SYCE1L: variants seen among roughly 807,000 people sequenced by gnomAD.
SYCE1L encodes synaptonemal complex central element protein 1-like.
A neutral mutation model predicts 39.6 loss-of-function variants in SYCE1L; 51 were observed. The observed-to-expected ratio is 1.29, with a 90% CI of 1.03 to 1.63. The LOEUF (loss-of-function observed/expected upper bound fraction) is 1.63, where lower values mean the gene tolerates loss of function less well. Among genes scored for constraint, SYCE1L ranks in the 40% most tolerant of loss-of-function variants. The pLI is 0.00. For missense variants in SYCE1L, 426 were observed against 304.9 expected (o/e 1.40, Z -2.96); for synonymous variants, 147 against 122.4 (o/e 1.20, Z -1.33).
intron 1 of SYCE1L, among the ~76,000 whole-genome samples, chr16:77,204,901 C>G (rs1300726421): frequency 6.6e-6 from 1 of 151,806 alleles, no homozygotes; most frequent in Admixed American, 6.6e-5. Context: ...AAAAATTAAC[C>G]AGGTGAGGCG....
rs199801406 is a variant in SYCE1L, at chr16:77,209,078, G to T, written c.257-19G>T. On this transcript the variant is annotated intron_variant, in intron 4 of 10. Coordinates refer to ENST00000378644, the MANE Select transcript of SYCE1L (RefSeq NM_001129979.3). ...GCAATGGGGTGCCTGGAGGCAGAAA[G>T]TGTCATTGTGTTTTCCAGTGAATGG... 1.9e-4 allele frequency: 293 copies of T among 1,551,710 alleles called. 1 individual carries two copies. Among genetic ancestry groups the T allele is most frequent in the South Asian group, 9.9e-4 (83 of 84,070 alleles).
Position 77,199,444 on chromosome 16 carries a change from G to C in SYCE1L, c.-8G>C. The C allele has an allele frequency of 6.4e-7, 1 of 1,551,510 alleles. No individual in the cohort carries two copies. Among genetic ancestry groups the C allele is most frequent in the Non-Finnish European group, 8.7e-7 (1 of 1,146,966 alleles). On this transcript the variant is annotated 5_prime_UTR_variant, in exon 1 of 11. Transcript: ENST00000378644. ...AGCGAGGCTCGCGCGCAGGCCCCGC[G>C]TTGGAAAATGGCGGGGAAGCTGAAA... is the stretch of plus-strand genomic sequence containing the variant.
At chr16:77,201,950 A>G (rs1286762415) in intron 1 of SYCE1L, 7 of 152,230 alleles carry the variant, frequency 4.6e-5, no homozygotes, top group Admixed American at 3.3e-4. Context: ...TATGTTGCAC[A>G]GAAAAAGTAT....
Position 77,199,429 on chromosome 16 carries a change from G to A in SYCE1L, c.-23G>A, listed in dbSNP as rs533039786. On this transcript the variant is annotated 5_prime_UTR_variant, in exon 1 of 11. Transcript: ENST00000378644. Reference sequence around the variant, plus strand: ...TTTAACCAGTCATCAAGCGAGGCTCGCGCGCAGGCCCCGCGTTGGAAAATG... The same window carrying A: ...TTTAACCAGTCATCAAGCGAGGCTCACGCGCAGGCCCCGCGTTGGAAAATG... 4.3e-5 allele frequency: 66 copies of A among 1,551,120 alleles called. 2 individuals are homozygous for A. In the South Asian group the frequency reaches 6.5e-4, roughly 15 times the overall value.
chr16:77,205,327 T>C (rs1418252883), intron 1 of SYCE1L, among the ~76,000 whole-genome samples: 1 of 151,642 alleles, frequency 6.6e-6, no homozygotes, highest in African/African-American at 2.4e-5. Flanking sequence ...CTTTTACCAC[T>C]GATTTCAAGA....
intron 1 of SYCE1L, 95 bp from the exon 2 acceptor site, chr16:77,206,346 C>A (rs879177500): frequency 1.9e-6 from 2 of 1,076,856 alleles, no homozygotes; most frequent in Non-Finnish European, 2.7e-6. Flanking sequence ...CCCCAGCCCA[C>A]GGGTGTCTGC....
At chr16:77,202,535 A>C (rs1428202413) in intron 1 of SYCE1L, 1 of 152,198 alleles carries the variant, frequency 6.6e-6, no homozygotes, top group Non-Finnish European at 1.5e-5. Flanking sequence ...AAGCAGAGAG[A>C]GGAAAAACAC....
chr16:77,199,411 A>G lies in SYCE1L; in HGVS notation c.-41A>G, dbSNP rs2054704082. On this transcript the variant is annotated 5_prime_UTR_variant, in exon 1 of 11. Transcript: ENST00000378644. Reference sequence around the variant, plus strand: ...CCCTCACGTGGTTTCTTTTTTAACCAGTCATCAAGCGAGGCTCGCGCGCAG... The same window carrying G: ...CCCTCACGTGGTTTCTTTTTTAACCGGTCATCAAGCGAGGCTCGCGCGCAG... 4.5e-6 allele frequency: 7 copies of G among 1,545,906 alleles called. No homozygotes were observed. The highest frequency in any genetic ancestry group is 1.4e-5 in the African/African-American group (1 of 72,682).
intron 1 of SYCE1L, 62 bp from the exon 2 acceptor site, chr16:77,206,379 C>G: frequency 6.8e-7 from 1 of 1,468,210 alleles, no homozygotes; most frequent in Non-Finnish European, 9.3e-7. Flanking sequence ...GACTTCCTGC[C>G]TCCCTTCTCT....
Position 77,212,787 on chromosome 16 carries a change from C to T in SYCE1L, c.655-70C>T, listed in dbSNP as rs979529833. 2.8e-6 allele frequency: 4 copies of T among 1,429,710 alleles called. No individual in the cohort carries two copies. The African/African-American group carries it at 4.4e-5, about 16-fold the overall frequency. The allele number at this position is 1,429,710 out of a possible 1,614,324, so 88.6% of individuals were successfully genotyped here. On this transcript the variant is annotated intron_variant, in intron 10 of 10. Coordinates refer to ENST00000378644, the MANE Select transcript of SYCE1L (RefSeq NM_001129979.3). ...GGGACAGAGGAAGCCGCGGTGGAGG[C>T]CTAGGGCAGACGCGGGCGGACGCGA... is the stretch of plus-strand genomic sequence containing the variant.
rs931600103 is a variant in SYCE1L, at chr16:77,213,084, G to A, written c.*153G>A. Reference sequence around the variant, plus strand: ...GGGATCTCGAGGCGGGGCCTCTGCCGGACCCCTCCCACCAGTCGAGCCCCG... The same window carrying A: ...GGGATCTCGAGGCGGGGCCTCTGCCAGACCCCTCCCACCAGTCGAGCCCCG... On this transcript the variant is annotated 3_prime_UTR_variant, in exon 11 of 11. Transcript: ENST00000378644. The A allele has an allele frequency of 5.1e-6, 4 of 790,268 alleles. No individual in the cohort carries two copies. The highest frequency in any genetic ancestry group is 7.4e-5 in the South Asian group (2 of 27,080). 49.0% of individuals were successfully genotyped at this position (790,268 alleles called of 1,614,324 possible). A position where few individuals can be genotyped will look rare whatever the true frequency, so the allele number is the denominator to read the frequency against.
intron 1 of SYCE1L, among the ~76,000 whole-genome samples, chr16:77,205,433 A>AATATATATATATATATATAT (rs145238524): frequency 2.1e-5 from 3 of 145,262 alleles, no homozygotes; most frequent in African/African-American, 5.0e-5. Context: ...CATAGAAGTA[A>AATATATATATATATATATAT]ATATATATAT....
At chr16:77,208,882 T>G (rs2343039) in intron 4 of SYCE1L, among the ~76,000 whole-genome samples, 66,569 of 152,100 alleles carry the variant, frequency 0.44, 16,280 homozygotes, top group Non-Finnish European at 0.56. Context: ...CTTCAGGGTC[T>G]TCACTCCTTC....
chr16:77,203,395 A>C (rs1057100621), intron 1 of SYCE1L, among the ~76,000 whole-genome samples: 9 of 145,046 alleles, frequency 6.2e-5, no homozygotes, highest in Non-Finnish European at 1.4e-4. Flanking sequence ...AAAATAATAC[A>C]TACTAATTTA....
chr16:77,201,492 C>G (rs1401434525), intron 1 of SYCE1L: 1 of 152,144 alleles, frequency 6.6e-6, no homozygotes, highest in African/African-American at 2.4e-5. Flanking sequence ...AGAAACAGGC[C>G]TTTTCCTGCC....
chr16:77,200,291 T>TATATATACATATACAC, intron 1 of SYCE1L: 8 of 111,438 alleles, frequency 7.2e-5, no homozygotes, highest in Non-Finnish European at 1.5e-4. Flanking sequence ...TATATATATA[T>TATATATACATATACAC]ACACACACTA....
At chr16:77,207,076 C>G (rs151054584) in intron 2 of SYCE1L, among the ~76,000 whole-genome samples, 1 of 152,184 alleles carries the variant, frequency 6.6e-6, no homozygotes, top group Non-Finnish European at 1.5e-5. Context: ...AAGAAGTGCA[C>G]TGGGACTGCT....
intron 1 of SYCE1L, among the ~76,000 whole-genome samples, chr16:77,205,247 C>T (rs2054777834): frequency 6.6e-6 from 1 of 151,412 alleles, no homozygotes; most frequent in East Asian, 1.9e-4. Context: ...TTTTGGCTAT[C>T]ATGTTTTGTG....
chr16:77,203,093 G>C (rs942926544), intron 1 of SYCE1L, among the ~76,000 whole-genome samples: 3 of 152,198 alleles, frequency 2.0e-5, no homozygotes, highest in Non-Finnish European at 4.4e-5. Context: ...ATTAAGGAGA[G>C]AAGAGAAAAT....
Sources: allele counts gnomAD v4.1 joint callset (sites outside exome capture counted in the v4.1 genomes callset), GRCh38; gene constraint gnomAD v4.1.1; transcripts MANE v1.5; gene names NCBI Gene and HGNC (gene_info 2026-07-23, HGNC 2026-07-21).